Variants in LPCAT1 observed in about 807,000 individuals in gnomAD.
LPCAT1 encodes lysophosphatidylcholine acyltransferase 1, also known as 1-acylglycerol-3-phosphate O-acyltransferase.
Under a neutral mutation model 60.9 loss-of-function variants are expected in LPCAT1, and 23 were observed. The ratio of observed to expected loss-of-function variants is 0.38; its 90% CI spans 0.27 to 0.53. The LOEUF (loss-of-function observed/expected upper bound fraction) is 0.53. LPCAT1 is among the 20% of genes least tolerant of loss of function. The pLI is 0.82. For missense variants in LPCAT1, 622 were observed against 723.6 expected (o/e 0.86, Z 1.61); for synonymous variants, 340 against 301.1 (o/e 1.13, Z -1.34).
intron 13 of LPCAT1, among the ~76,000 whole-genome samples, chr5:1,466,371 G>T (rs116755161): frequency 0.058 from 8,872 of 152,104 alleles, 877 homozygotes; most frequent in African/African-American, 0.2. Flanking sequence ...TCCCAGGAGA[G>T]GGGGGATGTG....
Position 1,480,923 on chromosome 5 carries a change from G to A in LPCAT1, c.761+19C>T, listed in dbSNP as rs372665721. ...CATGGAACAACAGGACAAAGAGGAC[G>A]ACACGGCGTTCAACTTACGCTCCAG... On this transcript the variant is annotated intron_variant, in intron 7 of 13. Coordinates refer to ENST00000283415, the MANE Select transcript of LPCAT1 (RefSeq NM_024830.5). This position sits in a 1 kb window ranked among gnomAD's most constrained non-coding sequence, Gnocchi z 6.4. The A allele has an allele frequency of 1.2e-5, 20 of 1,613,770 alleles. No homozygotes were observed. In the African/African-American group the frequency reaches 2.0e-4, roughly 16 times the overall value.
intron 1 of LPCAT1, among the ~76,000 whole-genome samples, chr5:1,520,407 G>T (rs989980979): frequency 6.6e-6 from 1 of 152,186 alleles, no homozygotes; most frequent in Non-Finnish European, 1.5e-5. Flanking sequence ...TCCTCTCTGT[G>T]GATTAGCCAG....
At chr5:1,511,448 G>T (rs1428396534) in intron 1 of LPCAT1, among the ~76,000 whole-genome samples, 1 of 151,568 alleles carries the variant, frequency 6.6e-6, no homozygotes, top group East Asian at 1.9e-4. Flanking sequence ...CCCTACGTGG[G>T]GACGTCACCT....
intron 4 of LPCAT1, among the ~76,000 whole-genome samples, chr5:1,488,882 A>C (rs1735466445): frequency 6.6e-6 from 1 of 152,242 alleles, no homozygotes; most frequent in African/African-American, 2.4e-5. Flanking sequence ...GATGGAGCCG[A>C]AGGAGGGCTG....
At chr5:1,484,053 C>T (rs999392717) in intron 5 of LPCAT1, among the ~76,000 whole-genome samples, 3 of 152,262 alleles carry the variant, frequency 2.0e-5, no homozygotes, top group Non-Finnish European at 4.4e-5. Flanking sequence ...CTCGGGGCCC[C>T]ACCCGCCGCC....
chr5:1,514,978 C>G (rs916422818), intron 1 of LPCAT1, among the ~76,000 whole-genome samples: 4 of 152,220 alleles, frequency 2.6e-5, no homozygotes, highest in Non-Finnish European at 5.9e-5. Flanking sequence ...GCATTTCTAG[C>G]TGCTTGCATT....
chr5:1,468,956 C>A (rs1734554512), intron 12 of LPCAT1, among the ~76,000 whole-genome samples: 1 of 152,210 alleles, frequency 6.6e-6, no homozygotes, highest in Admixed American at 6.5e-5. Context: ...CCCAGAGCAG[C>A]AGCAAAGCAC....
At chr5:1,494,166 C>T (rs1000414686) in intron 3 of LPCAT1, among the ~76,000 whole-genome samples, 1 of 152,236 alleles carries the variant, frequency 6.6e-6, no homozygotes, top group Admixed American at 6.5e-5. Flanking sequence ...GGCACAGCCG[C>T]GGTGCATGGG....
chr5:1,523,656 C>T lies in LPCAT1; in HGVS notation c.135+54G>A. ...CTCCTCGGCCGCGCCTCCCTGGCCCCAGCATCCCTGGCGTCCGCGCCGGCT... is the reference window on the plus strand; with the variant it reads ...CTCCTCGGCCGCGCCTCCCTGGCCCTAGCATCCCTGGCGTCCGCGCCGGCT... On this transcript the variant is annotated intron_variant, in intron 1 of 13. Coordinates refer to ENST00000283415, the MANE Select transcript of LPCAT1 (RefSeq NM_024830.5). The surrounding 1 kb of genome is among the most constrained non-coding windows in gnomAD (Gnocchi z 7.1). 1 of 1,053,700 alleles carries T rather than the reference C, an allele frequency of 9.5e-7. No homozygotes were observed. The highest frequency in any genetic ancestry group is 1.1e-6 in the Non-Finnish European group (1 of 874,272). 65.3% of individuals were successfully genotyped at this position (1,053,700 alleles called of 1,614,324 possible).
At chr5:1,498,013 C>T (rs1165697867) in intron 2 of LPCAT1, among the ~76,000 whole-genome samples, 1 of 152,238 alleles carries the variant, frequency 6.6e-6, no homozygotes, top group African/African-American at 2.4e-5. Context: ...AAAATAGTGC[C>T]TTTTGCGAAA....
intron 5 of LPCAT1, among the ~76,000 whole-genome samples, chr5:1,488,050 T>G (rs1431986011): frequency 6.6e-6 from 1 of 152,080 alleles, no homozygotes; most frequent in Non-Finnish European, 1.5e-5. Flanking sequence ...GGGCGTGAGC[T>G]GCAGGCCAAG....
intron 1 of LPCAT1, among the ~76,000 whole-genome samples, chr5:1,516,434 G>A (rs1736507533): frequency 6.6e-6 from 1 of 152,136 alleles, no homozygotes; most frequent in Admixed American, 6.5e-5. Flanking sequence ...AGAACAAACA[G>A]ACTCCACTCT....
rs1434351776 is a variant in LPCAT1, at chr5:1,481,795, C to T, written c.727-819G>A. Among the ~76,000 whole-genome samples, 1 of 152,266 alleles carries T rather than the reference C, an allele frequency of 6.6e-6. No individual in the cohort carries two copies. The highest frequency in any genetic ancestry group is 1.5e-5 in the Non-Finnish European group (1 of 68,050). On this transcript the variant is annotated intron_variant, in intron 6 of 13. Transcript: ENST00000283415. This position sits in a 1 kb window ranked among gnomAD's most constrained non-coding sequence, Gnocchi z 7.8. ...CTTGGCCAGGAGCCTGGCTGACAAA[C>T]GCACGCCTCAGTAAGAAGGAAGAGG...
chr5:1,505,049 A>AC (rs2126598346), intron 1 of LPCAT1, among the ~76,000 whole-genome samples: 1 of 150,738 alleles, frequency 6.6e-6, no homozygotes, highest in East Asian at 2.0e-4. Flanking sequence ...AATCACAGTA[A>AC]CCCACGCTGT....
intron 1 of LPCAT1, among the ~76,000 whole-genome samples, chr5:1,519,567 C>A (rs569314372): frequency 4.6e-5 from 7 of 152,354 alleles, no homozygotes; most frequent in South Asian, 2.1e-4. Flanking sequence ...AAGGTCAGGG[C>A]TCCTTGTGAG....
At chr5:1,467,762 C>A (rs987676829) in intron 12 of LPCAT1, among the ~76,000 whole-genome samples, 14 of 151,736 alleles carry the variant, frequency 9.2e-5, no homozygotes, top group African/African-American at 3.4e-4. Context: ...CTCTGAGGTC[C>A]CGACGCCGCC....
intron 12 of LPCAT1, 81 bp downstream of exon 12, chr5:1,470,745 G>C (rs988485942): frequency 1.9e-6 from 2 of 1,026,864 alleles, no homozygotes; most frequent in African/African-American, 3.3e-5. Flanking sequence ...ATATTATAAG[G>C]AACTAGAGAA....
chr5:1,475,140 G>C (rs186161000), intron 9 of LPCAT1, among the ~76,000 whole-genome samples: 11 of 152,216 alleles, frequency 7.2e-5, no homozygotes, highest in Non-Finnish European at 1.5e-4. Flanking sequence ...AGAGTGAGGC[G>C]GGCTGTGCCC....
chr5:1,487,945 A>G lies in LPCAT1; in HGVS notation c.667+446T>C, dbSNP rs1399777182. On this transcript the variant is annotated intron_variant, in intron 5 of 13. Coordinates refer to ENST00000283415, the MANE Select transcript of LPCAT1 (RefSeq NM_024830.5). This position sits in a 1 kb window ranked among gnomAD's most constrained non-coding sequence, Gnocchi z 6.1. ...ACACGCATTTGAGTCCCCCCTCCCC[A>G]GGGAGAAAGAACACTGTCTAACTGG... Among the ~76,000 whole-genome samples the G allele has an allele frequency of 6.6e-6, 1 of 152,148 alleles. No individual in the cohort carries two copies. Among genetic ancestry groups the G allele is most frequent in the Non-Finnish European group, 1.5e-5 (1 of 68,014 alleles).
Sources: gnomAD v4.1 joint callset for allele counts (sites outside exome capture counted in the v4.1 genomes callset) on GRCh38, gnomAD v4.1.1 for gene constraint, Gnocchi (gnomAD v3.1) non-coding constraint, MANE v1.5 for transcripts, NCBI Gene and HGNC (gene_info 2026-07-23, HGNC 2026-07-21) for gene names.